Variants in PCDHA5 observed in about 807,000 individuals in gnomAD.
PCDHA5 encodes the protein protocadherin alpha 5.
PCDHA5 carries 43 observed loss-of-function variants against 61.6 expected under a neutral mutation model. The observed-to-expected ratio is 0.70, with a 90% CI of 0.55 to 0.90. The LOEUF (loss-of-function observed/expected upper bound fraction) is 0.90, where lower values mean the gene tolerates loss of function less well. Among genes scored for constraint, PCDHA5 ranks in the 40% least tolerant of loss-of-function variants. The pLI, the probability that PCDHA5 is intolerant of heterozygous loss-of-function variation, is 0.00. For synonymous variants in PCDHA5, 627 were observed against 543.9 expected, an observed-to-expected ratio of 1.15 and a Z score of -2.13; for missense variants, 1,298 against 1,222.7, an observed-to-expected ratio of 1.06 and a Z score of -0.92.
chr5:140,876,081 G>A (rs568872116), intron 1 of PCDHA5: 1 of 1,613,944 alleles, frequency 6.2e-7, no homozygotes, highest in African/African-American at 1.3e-5. Flanking sequence ...TGGACAGAGA[G>A]CAAACGCCAA....
intron 1 of PCDHA5, among the ~76,000 whole-genome samples, chr5:140,954,531 G>A (rs564993313): frequency 4.6e-5 from 7 of 152,218 alleles, no homozygotes; most frequent in African/African-American, 1.4e-4. Context: ...GTGATGTTGA[G>A]GTTTTTTTCA....
intron 1 of PCDHA5, chr5:140,836,547 CG>C (rs2150263715): frequency 3.1e-6 from 5 of 1,613,738 alleles, no homozygotes; most frequent in Non-Finnish European, 3.4e-6. Context: ...CACGGCGTTG[CG>C]GTGCTCAGCG....
At chr5:140,984,945 C>A (rs1316955910) in intron 3 of PCDHA5, among the ~76,000 whole-genome samples, 1 of 149,212 alleles carries the variant, frequency 6.7e-6, no homozygotes, top group Non-Finnish European at 1.5e-5. Flanking sequence ...AATGTCTAAT[C>A]TTTTTTTTTT....
chr5:140,853,024 G>T, intron 1 of PCDHA5: 1 of 260,054 alleles, frequency 3.8e-6, no homozygotes, highest in Non-Finnish European at 6.3e-6. Context: ...GACTACAGGC[G>T]CCTGCCACCA....
intron 1 of PCDHA5, among the ~76,000 whole-genome samples, chr5:140,914,462 G>A (rs1554196374): frequency 6.6e-6 from 1 of 152,068 alleles, no homozygotes; most frequent in East Asian, 1.9e-4. Context: ...CAGTCTATGT[G>A]TATCTTCATA....
At chr5:140,855,253 C>A (rs2043395056) in intron 1 of PCDHA5, among the ~76,000 whole-genome samples, 2 of 149,832 alleles carry the variant, frequency 1.3e-5, no homozygotes, top group South Asian at 4.2e-4. Flanking sequence ...CAAGCACTTA[C>A]TATATTATAA....
intron 1 of PCDHA5, chr5:140,856,867 C>G (rs1554149232): frequency 6.3e-7 from 1 of 1,595,186 alleles, no homozygotes; most frequent in East Asian, 2.2e-5. Context: ...AAGGAATAAA[C>G]AAGGAAATGA....
At chr5:140,837,029 A>G (rs1774885010) in intron 1 of PCDHA5, 1 of 233,596 alleles carries the variant, frequency 4.3e-6, no homozygotes, top group Admixed American at 5.1e-5. Context: ...TCTATAGTGT[A>G]TTTACAAAAT....
Position 140,978,953 on chromosome 5 carries a change from G to A in PCDHA5, c.2357G>A (p.Arg786Gln), listed in dbSNP as rs781913955. The A allele has an allele frequency of 1.4e-5, 23 of 1,613,930 alleles. No homozygotes were observed. In the South Asian group the frequency reaches 2.0e-4, roughly 14 times the overall value. Residue 786 changes from arginine to glutamine, a missense_variant, in exon 2 of 4, where the codon CGA becomes CAA. Arg to Gln is a conservative substitution (Grantham distance 43, BLOSUM62 1). Transcript: ENST00000529859. ...PQGPTSTDNP[R>Q]QPNPDWRYSA... ...ACTCTCTTTGTGATTTTGCAGCCAC[G>A]ACAGCCCAACCCTGACTGGCGTTAC...
At position 140,851,423 on chromosome 5, in the gene PCDHA5, A is replaced by T. The variant is rs967768563; in HGVS notation, c.2352+27296A>T. 1.1e-5 allele frequency: 10 copies of T among 949,488 alleles called. 1 individual carries two copies. Among genetic ancestry groups the T allele is most frequent in the Non-Finnish European group, 1.3e-5 (10 of 784,130 alleles). 58.8% of individuals were successfully genotyped at this position (949,488 alleles called of 1,614,324 possible). On this transcript the variant is annotated intron_variant, in intron 1 of 3. Coordinates refer to ENST00000529859, the MANE Select transcript of PCDHA5 (RefSeq NM_018908.3). ...TTAATAAGAAAGAAACTTCCCCTAA[A>T]CTTTAGAAAACAGTTGCTCCACTTT...
chr5:140,883,915 G>A, intron 1 of PCDHA5: 1 of 1,613,348 alleles, frequency 6.2e-7, no homozygotes, highest in Non-Finnish European at 8.5e-7. Context: ...GCAGCAACGT[G>A]ACGCTGCAGG....
At chr5:140,829,284 T>A (rs2150165150) in intron 1 of PCDHA5, 2 of 1,614,254 alleles carry the variant, frequency 1.2e-6, no homozygotes, top group South Asian at 2.2e-5. Flanking sequence ...TTCAAGCTGG[T>A]GTCCACCTTC....
At chr5:141,001,794 T>C (rs2098037139) in intron 3 of PCDHA5, among the ~76,000 whole-genome samples, 1 of 152,184 alleles carries the variant, frequency 6.6e-6, no homozygotes, top group Non-Finnish European at 1.5e-5. Flanking sequence ...CCTGAGTATA[T>C]ACTATCATTC....
rs1554143145 is a variant in PCDHA5 at position 140,849,656 on chromosome 5, C to T, written c.2352+25529C>T. The T allele has an allele frequency of 2.4e-5, 38 of 1,598,658 alleles. 2 individuals are homozygous for T. Among genetic ancestry groups the T allele is most frequent in the Non-Finnish European group, 3.2e-5 (37 of 1,168,036 alleles). On this transcript the variant is annotated intron_variant, in intron 1 of 3. Transcript: ENST00000529859. The stretch of plus-strand genomic sequence containing the variant: ...CAGATGCCAACGGGCAGGTTACCTG[C>T]TCCCTGACGCCCCACGTCCCCTTCA...
intron 3 of PCDHA5, among the ~76,000 whole-genome samples, chr5:141,001,004 T>C (rs2097982470): frequency 1.3e-5 from 2 of 152,368 alleles, no homozygotes; most frequent in South Asian, 4.1e-4. Flanking sequence ...TTTAAATATG[T>C]ATTTAGATAT....
chr5:140,924,110 CAGTT>C (rs1462987261), intron 1 of PCDHA5, among the ~76,000 whole-genome samples: 2 of 152,206 alleles, frequency 1.3e-5, no homozygotes, highest in Non-Finnish European at 2.9e-5. Flanking sequence ...CATTCCAAAG[CAGTT>C]AGCTTGCTTA....
In PCDHA5 at chr5:140,822,083, T is replaced by C; in HGVS notation, c.308T>C (p.Ile103Thr). 1.9e-6 allele frequency: 3 copies of C among 1,614,220 alleles called. No individual in the cohort carries two copies. The highest frequency in any genetic ancestry group is 2.5e-6 in the Non-Finnish European group (3 of 1,180,040). Reference sequence around the variant, plus strand: ...TGCCGGCGGAGGGCGGAGTGCAGCATCCACCTGGAGGTGATCGTGGACAGG... The same window carrying C: ...TGCCGGCGGAGGGCGGAGTGCAGCACCCACCTGGAGGTGATCGTGGACAGG... The part of the protein sequence containing the change: ...ELCRRRAECS[I>T]HLEVIVDRPL... Residue 103 changes from isoleucine (I) to threonine (T), a missense_variant, in exon 1 of 4, where the codon ATC (isoleucine) becomes ACC (threonine). Transcript: ENST00000529859.
At chr5:140,844,873 C>T (rs2150374535) in intron 1 of PCDHA5, among the ~76,000 whole-genome samples, 1 of 149,368 alleles carries the variant, frequency 6.7e-6, no homozygotes, top group African/African-American at 2.4e-5. Flanking sequence ...ATTAAATACC[C>T]ATTAGACTTC....
At chr5:140,843,577 A>T in intron 1 of PCDHA5, 1 of 1,595,954 alleles carries the variant, frequency 6.3e-7, no homozygotes. Context: ...CATACTCGCA[A>T]CAACAGCCGC....
Sources: allele counts gnomAD v4.1 joint callset (sites outside exome capture counted in the v4.1 genomes callset), GRCh38; gene constraint gnomAD v4.1.1; transcripts MANE v1.5; gene names NCBI Gene and HGNC (gene_info 2026-07-23, HGNC 2026-07-21).